The following ABRA variants were observed in gnomAD, a reference collection of about 807,000 sequenced individuals.
ABRA encodes actin binding Rho activating protein.
Under a neutral mutation model 33.4 loss-of-function variants are expected in ABRA, and 25 were observed. The observed-to-expected ratio is 0.75, with a 90% CI of 0.55 to 1.04. ABRA has a LOEUF of 1.04. ABRA is among the 50% of genes least tolerant of loss of function. The pLI is 0.00. For missense variants in ABRA, 501 were observed against 491.7 expected (o/e 1.02, Z -0.18); for synonymous variants, 193 against 176.8 (o/e 1.09, Z -0.73).
At chr8:106,767,718 T>G (rs1023981948) in intron 1 of ABRA, among the ~76,000 whole-genome samples, 3 of 152,230 alleles carry the variant, frequency 2.0e-5, no homozygotes, top group African/African-American at 7.2e-5. Context: ...ATTATTGTAA[T>G]TACCCATTTG....
chr8:106,766,270 T>C (rs1836219338), intron 1 of ABRA, among the ~76,000 whole-genome samples: 2 of 152,182 alleles, frequency 1.3e-5, no homozygotes, highest in African/African-American at 4.8e-5. Flanking sequence ...ATAGTAAAAC[T>C]CCAGTCAGAA....
chr8:106,769,104 A>T (rs1384564001), intron 1 of ABRA, among the ~76,000 whole-genome samples: 2 of 152,174 alleles, frequency 1.3e-5, no homozygotes, highest in East Asian at 3.8e-4. Context: ...ATCTCCTGAT[A>T]ATAGCATAGA....
In ABRA at chr8:106,760,951, CAG is replaced by C; in HGVS notation, c.*84_*85del. The C allele has an allele frequency of 8.5e-7, 1 of 1,181,192 alleles. No homozygotes were observed. The highest frequency in any genetic ancestry group is 1.2e-6 in the Non-Finnish European group (1 of 823,568). 73.2% of individuals were successfully genotyped at this position (1,181,192 alleles called of 1,614,324 possible). A position where few individuals can be genotyped will look rare whatever the true frequency, so the allele number is the denominator to read the frequency against. On this transcript the variant is annotated 3_prime_UTR_variant, in exon 2 of 2. Coordinates refer to ENST00000311955, the MANE Select transcript of ABRA (RefSeq NM_139166.5). ...TTGTTTAATATTTACTAACTTATTA[CAG>C]AGAGTTTGCATTTTCATTTTACCTA...
chr8:106,765,295 C>T (rs976322948), intron 1 of ABRA, among the ~76,000 whole-genome samples: 9 of 152,250 alleles, frequency 5.9e-5, no homozygotes, highest in South Asian at 2.1e-4. Flanking sequence ...GAAAACATTT[C>T]CTGGTGGTTG....
In ABRA at chr8:106,760,937, T is replaced by A. The variant is rs1836126354; in HGVS notation, c.*100A>T. ...CGTTTATGTAAAAATTGTTTAATAT[T>A]TACTAACTTATTACAGAGAGTTTGC... On this transcript the variant is annotated 3_prime_UTR_variant, in exon 2 of 2. Coordinates refer to ENST00000311955, the MANE Select transcript of ABRA (RefSeq NM_139166.5). 2 of 1,078,150 alleles carry A rather than the reference T, an allele frequency of 1.9e-6. No individual in the cohort carries two copies. Among genetic ancestry groups the A allele is most frequent in the Non-Finnish European group, 2.7e-6 (2 of 735,808 alleles). The allele number at this position is 1,078,150 out of a possible 1,614,324, so 66.8% of individuals were successfully genotyped here. A position where few individuals can be genotyped will look rare whatever the true frequency, so the allele number is the denominator to read the frequency against.
Position 106,761,300 on chromosome 8 carries a change from TTTTGGTTCCTTC to T in ABRA, c.871_882del (p.Glu291_Lys294del). On this transcript the variant is annotated inframe_deletion, in exon 2 of 2. Transcript: ENST00000311955. ...TCAGCACGCTTGGCCCTTTCAGCAG[TTTTGGTTCCTTC>T]TTTGGGGCGGCCATAGCCCTCATCT... 6.2e-7 allele frequency: 1 copy of T among 1,614,178 alleles called. No homozygotes were observed.
In ABRA at chr8:106,770,182, C is replaced by G. The variant is rs140813722; in HGVS notation, c.9G>C (p.Pro3=). MA[P]GEKESGEGPA... Reference sequence around the variant, plus strand: ...GGCCCTCCCCGCTTTCCTTTTCGCCCGGAGCCATGCTGCCCACCTGTCTTT... The same window carrying G: ...GGCCCTCCCCGCTTTCCTTTTCGCCGGGAGCCATGCTGCCCACCTGTCTTT... Residue 3 remains proline, a synonymous_variant, in exon 1 of 2, where the codon CCG becomes CCC. Coordinates refer to ENST00000311955, the MANE Select transcript of ABRA (RefSeq NM_139166.5). The G allele has an allele frequency of 4.4e-6, 7 of 1,603,992 alleles. No individual in the cohort carries two copies. The African/African-American group carries it at 5.3e-5, about 12-fold the overall frequency.
At chr8:106,764,148 C>T (rs1836175826) in intron 1 of ABRA, among the ~76,000 whole-genome samples, 1 of 152,134 alleles carries the variant, frequency 6.6e-6, no homozygotes, top group Non-Finnish European at 1.5e-5. Context: ...TGGTATTATA[C>T]TGATTTTGTA....
rs1563780282 is a variant in ABRA at position 106,761,498 on chromosome 8, C to A, written c.685G>T (p.Glu229Ter). 1 of 1,613,264 alleles carries A rather than the reference C, an allele frequency of 6.2e-7. No individual in the cohort carries two copies. Among genetic ancestry groups the A allele is most frequent in the South Asian group, 1.1e-5 (1 of 90,962 alleles). ...PLPSQVNRFTEKLNCKAQQKY... is the reference protein window; with the variant it reads ...PLPSQVNRFT The stretch of plus-strand genomic sequence containing the variant: ...TGTTGGGCTTTGCAGTTGAGTTTCT[C>A]TGTAAATCTGTTTACCCTAAAGTAG... The change falls in exon 2 of 2, where the codon GAG becomes TAG. Residue 229 changes from glutamate (E) to a stop codon, truncating the protein, a stop_gained. Coordinates refer to ENST00000311955, the MANE Select transcript of ABRA (RefSeq NM_139166.5). LOFTEE classifies it high-confidence loss of function.
intron 1 of ABRA, among the ~76,000 whole-genome samples, 168 bp downstream of exon 1, chr8:106,769,355 T>A (rs755950642): frequency 3.0e-4 from 46 of 152,202 alleles, no homozygotes; most frequent in Admixed American, 1.2e-3. Context: ...AGGTTGGCAC[T>A]GACCTTCAGC....
Position 106,761,055 on chromosome 8 carries a change from C to G in ABRA, c.1128G>C (p.Val376=), listed in dbSNP as rs1178601005. Residue 376 remains valine (V), a synonymous_variant, in exon 2 of 2, where the codon GTG becomes GTC. Coordinates refer to ENST00000311955, the MANE Select transcript of ABRA (RefSeq NM_139166.5). Reference sequence around the variant, plus strand: ...TGAAGGTTCACTTGAGTAGCGTAATCACAACATGGTCATCTCGGCCTTGCC... The same window carrying G: ...TGAAGGTTCACTTGAGTAGCGTAATGACAACATGGTCATCTCGGCCTTGCC... ...MLWQGRDDHV[V]ITLLK is the part of the protein sequence containing the mutation. The G allele has an allele frequency of 1.9e-6, 3 of 1,613,296 alleles. No individual in the cohort carries two copies. The highest frequency in any genetic ancestry group is 2.5e-6 in the Non-Finnish European group (3 of 1,179,262).
intron 1 of ABRA, among the ~76,000 whole-genome samples, chr8:106,768,503 A>G (rs539824944): frequency 6.6e-6 from 1 of 152,316 alleles, no homozygotes; most frequent in South Asian, 2.1e-4. Context: ...GAATAATAAT[A>G]GTTTTCGTGT....
chr8:106,762,403 A>C (rs543637862), intron 1 of ABRA, among the ~76,000 whole-genome samples: 10 of 152,212 alleles, frequency 6.6e-5, no homozygotes, highest in Non-Finnish European at 1.3e-4. Flanking sequence ...CAGCAGGCCC[A>C]TACAGTGTCT....
In ABRA at chr8:106,762,063, A is replaced by G. The variant is rs143147120; in HGVS notation, c.669-549T>C. On this transcript the variant is annotated intron_variant, in intron 1 of 1. Coordinates refer to ENST00000311955, the MANE Select transcript of ABRA (RefSeq NM_139166.5). Reference sequence around the variant, plus strand: ...GAAATATGAAGTTGTACAGATAGAAAACACTAGCTAGCAATAGTAACATTT... The same window carrying G: ...GAAATATGAAGTTGTACAGATAGAAGACACTAGCTAGCAATAGTAACATTT... Among the ~76,000 whole-genome samples, 212 of 152,332 alleles carry G rather than the reference A, an allele frequency of 1.4e-3. No individual in the cohort carries two copies. In the Middle Eastern group the frequency reaches 0.02, roughly 15 times the overall value.
chr8:106,766,027 T>C (rs1252699730), intron 1 of ABRA, among the ~76,000 whole-genome samples: 1 of 152,232 alleles, frequency 6.6e-6, no homozygotes, highest in Non-Finnish European at 1.5e-5. Context: ...TGTTTCTTAA[T>C]GTCTCTGTGT....
intron 1 of ABRA, among the ~76,000 whole-genome samples, chr8:106,765,292 T>C (rs1836199882): frequency 6.6e-6 from 1 of 152,244 alleles, no homozygotes; most frequent in Non-Finnish European, 1.5e-5. Flanking sequence ...ACTGAAAACA[T>C]TTCCTGGTGG....
At position 106,761,527 on chromosome 8, in the gene ABRA, G is replaced by A. The variant is rs1037218418; in HGVS notation, c.669-13C>T. 5.6e-6 allele frequency: 9 copies of A among 1,595,136 alleles called. No individual in the cohort carries two copies. The African/African-American group carries it at 1.2e-4, about 21-fold the overall frequency. ...AAATCTGTTTACCCTAAAGTAGAGA[G>A]AGGGTGAACAATCAAGATTCAGATA... is the stretch of plus-strand genomic sequence containing the variant. On this transcript the variant is annotated splice_polypyrimidine_tract_variant and intron_variant, in intron 1 of 1. Coordinates refer to ENST00000311955, the MANE Select transcript of ABRA (RefSeq NM_139166.5).
At chr8:106,765,001 C>T (rs896183731) in intron 1 of ABRA, among the ~76,000 whole-genome samples, 4 of 151,938 alleles carry the variant, frequency 2.6e-5, no homozygotes, top group African/African-American at 9.7e-5. Flanking sequence ...ATGTAAGAAT[C>T]GATACCAGAT....
chr8:106,769,791 C>A lies in ABRA; in HGVS notation c.400G>T (p.Asp134Tyr), dbSNP rs1810578118. The A allele has an allele frequency of 6.2e-7, 1 of 1,614,188 alleles. No homozygotes were observed. The highest frequency in any genetic ancestry group is 1.3e-5 in the African/African-American group (1 of 75,046). ...VSHLSHRYER[D>Y]AGVLEPGQPE... ...TGCCCAGGTTCAAGCACACCAGCAT[C>A]CCTCTCGTACCTGTGGCTGAGGTGG... Residue 134 changes from aspartate (D) to tyrosine (Y), a missense_variant, in exon 1 of 2, where the codon GAT becomes TAT. By Grantham distance (160) the Asp-to-Tyr change is radical (BLOSUM62 -3). Coordinates refer to ENST00000311955, the MANE Select transcript of ABRA (RefSeq NM_139166.5).
Sources: allele counts gnomAD v4.1 joint callset (sites outside exome capture counted in the v4.1 genomes callset), GRCh38; gene constraint gnomAD v4.1.1; transcripts MANE v1.5; gene names NCBI Gene and HGNC (gene_info 2026-07-23, HGNC 2026-07-21).